Variants in PLEKHG5 observed in about 807,000 individuals in gnomAD.
PLEKHG5 encodes pleckstrin homology and RhoGEF domain containing G5.
In PLEKHG5, 52 loss-of-function variants were observed where a neutral mutation model predicts 103.8. The ratio of observed to expected loss-of-function variants is 0.50; its 90% confidence interval spans 0.40 to 0.63. PLEKHG5 has a LOEUF of 0.63. Among genes scored for constraint, PLEKHG5 ranks in the 30% least tolerant of loss-of-function variants. The pLI is 0.00. For missense variants in PLEKHG5, 1,205 were observed against 1,347.6 expected (o/e 0.89, Z 1.66); for synonymous variants, 592 against 575.5 (o/e 1.03, Z -0.41).
upstream of PLEKHG5, chr1:6,496,563 T>TG (rs1229702623): frequency 6.4e-7 from 1 of 1,574,800 alleles, no homozygotes; most frequent in Non-Finnish European, 8.6e-7. Flanking sequence ...AGCGGGGCTC[T>TG]GGTCGTCTGC....
intron 10 of PLEKHG5, 139 bp downstream of exon 10, chr1:6,472,388 G>A (rs1644617477): frequency 2.8e-6 from 2 of 712,820 alleles, no homozygotes; most frequent in Middle Eastern, 3.6e-4. Flanking sequence ...CTCCTCCCTG[G>A]GCGCAGCCCT....
chr1:6,486,620 G>A lies in PLEKHG5; in HGVS notation c.-88+5017C>T, dbSNP rs546963384. Among the ~76,000 whole-genome samples, 25 of 152,298 alleles carry A rather than the reference G, an allele frequency of 1.6e-4. No homozygotes were observed. The highest frequency in any genetic ancestry group is 5.5e-4 in the African/African-American group (23 of 41,554). On this transcript the variant is annotated intron_variant, in intron 1 of 20. Transcript: ENST00000377728. The surrounding 1 kb of genome is among the most constrained non-coding windows in gnomAD (Gnocchi z 5.3). ...TGGCACAGCAGCCCAGGTCCCTGCA[G>A]TTCTAGGCCAGGTCCCCACCGCCAG... is the stretch of plus-strand genomic sequence containing the variant.
intron 10 of PLEKHG5, among the ~76,000 whole-genome samples, chr1:6,472,186 C>A (rs533143472): frequency 6.6e-6 from 1 of 152,230 alleles, no homozygotes; most frequent in Non-Finnish European, 1.5e-5. Context: ...GCTCCCCTCC[C>A]TGAGCCGAAA....
At chr1:6,475,569 C>T (rs751044794) in intron 3 of PLEKHG5, 47 bp from the exon 4 acceptor site, 11 of 1,553,308 alleles carry the variant, frequency 7.1e-6, no homozygotes, top group African/African-American at 1.4e-5. Context: ...GGGTGGCCCT[C>T]GCCAGCGTGG....
rs868002197 is a variant in PLEKHG5 at position 6,470,758 on chromosome 1, C to A, written c.1519G>T (p.Ala507Ser). 2 of 1,562,326 alleles carry A rather than the reference C, an allele frequency of 1.3e-6. No homozygotes were observed. Among genetic ancestry groups the A allele is most frequent in the South Asian group, 1.2e-5 (1 of 85,426 alleles). ...SVLRKTEEPR[A>S]KEAVVAMIGS... ...ACCATGGCGACGACGGCCTCCTTGG[C>A]GCGCGGCTCCTCGGTCTTCCTCAGC... Residue 507 changes from alanine (A) to serine (S), a missense_variant, in exon 14 of 21, where the codon GCC becomes TCC. Ala to Ser is a moderately conservative substitution (Grantham distance 99). Coordinates refer to ENST00000377728, the MANE Select transcript of PLEKHG5 (RefSeq NM_020631.6).
chr1:6,477,173 C>T (rs1020393070), intron 2 of PLEKHG5, among the ~76,000 whole-genome samples: 38 of 152,322 alleles, frequency 2.5e-4, no homozygotes, highest in Admixed American at 2.0e-3. Flanking sequence ...CTCTGCTAGG[C>T]CCACAGCCTG....
intron 12 of PLEKHG5, 147 bp downstream of exon 12, chr1:6,471,341 T>C: frequency 1.0e-6 from 1 of 977,438 alleles, no homozygotes; most frequent in Non-Finnish European, 1.5e-6. Flanking sequence ...CGCCTCGTAA[T>C]TCCTCACCCT....
At chr1:6,497,378 G>C, upstream of PLEKHG5, 1 of 1,089,856 alleles carries the variant, frequency 9.2e-7, no homozygotes, top group Non-Finnish European at 1.1e-6. This position sits in a 1 kb window ranked among gnomAD's most constrained non-coding sequence, Gnocchi z 6.1. Context: ...CGCCGGGGAC[G>C]CCGGGGACTG....
chr1:6,501,926 TTC>T lies in PLEKHG5; in HGVS notation c.-164-5359_-164-5358del, dbSNP rs1645300838. On this transcript the variant is annotated intron_variant, in intron 1 of 21. Coordinates refer to the PLEKHG5 transcript ENST00000377740. The surrounding 1 kb of genome is among the most constrained non-coding windows in gnomAD (Gnocchi z 4.3). ...GTGAACCCTCCACTCCGATGAACCC[TTC>T]TGTCTCAAGAAAACAGGCCCTCCCT... Among the ~76,000 whole-genome samples, 6 of 152,202 alleles carry T rather than the reference TTC, an allele frequency of 3.9e-5. No individual in the cohort carries two copies. In the South Asian group the frequency reaches 1.2e-3, roughly 31 times the overall value.
chr1:6,505,092 G>T lies in PLEKHG5; in HGVS notation c.-164-8523C>A, dbSNP rs547883853. Among the ~76,000 whole-genome samples the T allele has an allele frequency of 6.6e-6, 1 of 152,190 alleles. No homozygotes were observed. The highest frequency in any genetic ancestry group is 1.9e-4 in the East Asian group (1 of 5,188). ...CCTGGGCCCGAGGATGAGGCTAATG[G>T]AGAAGAGAACCCAGGCCCAGGCCCC... On this transcript the variant is annotated intron_variant, in intron 1 of 21. Coordinates refer to the PLEKHG5 transcript ENST00000377740. The surrounding 1 kb of genome is among the most constrained non-coding windows in gnomAD (Gnocchi z 4.2).
At chr1:6,510,025 G>T (rs1310645914) in intron 1 of PLEKHG5, among the ~76,000 whole-genome samples, 1 of 152,204 alleles carries the variant, frequency 6.6e-6, no homozygotes, top group African/African-American at 2.4e-5. Flanking sequence ...CGGTGTCTGA[G>T]GAGGCCTGTC....
At chr1:6,516,806 A>ATATG (rs1553180711) in intron 1 of PLEKHG5, among the ~76,000 whole-genome samples, 1 of 145,396 alleles carries the variant, frequency 6.9e-6, no homozygotes, top group Non-Finnish European at 1.5e-5. Context: ...GTGTATATAT[A>ATATG]TGTGTGTATA....
intron 16 of PLEKHG5, 43 bp from the exon 17 acceptor site, chr1:6,469,719 T>C (rs756325780): frequency 6.2e-7 from 1 of 1,604,022 alleles, no homozygotes; most frequent in Non-Finnish European, 8.5e-7. Context: ...GCCAGCAGGG[T>C]CAGGGCCAGG....
intron 1 of PLEKHG5, among the ~76,000 whole-genome samples, chr1:6,507,893 G>A (rs915080837): frequency 6.6e-6 from 1 of 152,206 alleles, no homozygotes; most frequent in Non-Finnish European, 1.5e-5. Flanking sequence ...CATGTGGCAA[G>A]TGGCCTGCCT....
rs771230935 is a variant in PLEKHG5 at position 6,468,398 on chromosome 1, C to T, written c.2438G>A (p.Cys813Tyr). The stretch of plus-strand genomic sequence containing the variant: ...GGTGCCGTAGGCAGAGTCCATGGAG[C>T]AGGAGCGGCCGTCCACCGGACCCAG... ...LPLGPVDGRS[C>Y]SMDSAYGTLS... Residue 813 changes from cysteine to tyrosine, a missense_variant, in exon 20 of 21, where the codon TGC (cysteine) becomes TAC (tyrosine). Cys to Tyr is a radical substitution (Grantham distance 194). Coordinates refer to ENST00000377728, the MANE Select transcript of PLEKHG5 (RefSeq NM_020631.6). 34 of 1,610,834 alleles carry T rather than the reference C, an allele frequency of 2.1e-5. No individual in the cohort carries two copies. Among genetic ancestry groups the T allele is most frequent in the Non-Finnish European group, 2.8e-5 (33 of 1,178,986 alleles).
chr1:6,511,503 C>T (rs758286293), intron 1 of PLEKHG5, among the ~76,000 whole-genome samples: 4 of 152,256 alleles, frequency 2.6e-5, no homozygotes, highest in Non-Finnish European at 5.9e-5. Context: ...CTGAAGGGGG[C>T]TGGCGGTCAC....
chr1:6,475,627 A>G lies in PLEKHG5; in HGVS notation c.150-105T>C, dbSNP rs894670716. 72 of 989,230 alleles carry G rather than the reference A, an allele frequency of 7.3e-5. No homozygotes were observed. In the Middle Eastern group the frequency reaches 1.5e-3, roughly 20 times the overall value. The allele number at this position is 989,230 out of a possible 1,614,324, so 61.3% of individuals were successfully genotyped here. On this transcript the variant is annotated intron_variant, in intron 3 of 20. Transcript: ENST00000377728. The stretch of plus-strand genomic sequence containing the variant: ...CCCCGCCCTTGGCTCACCCCAGGTG[A>G]CAGGTAACCCGCGTGGATTCAACCC...
rs759538158 is a variant in PLEKHG5, at chr1:6,469,609, C to T, written c.1868G>A (p.Arg623Lys). 6.2e-7 allele frequency: 1 copy of T among 1,613,670 alleles called. No homozygotes were observed. Among genetic ancestry groups the T allele is most frequent in the Non-Finnish European group, 8.5e-7 (1 of 1,180,004 alleles). ...LVTKAVKKAE[R>K]TRVIRPPLLV... ...CAGGGGTGGCCTGATGACCCTGGTC[C>T]TCTCTGCCTTCTTCACTGCTTTGGT... The change falls in exon 17 of 21, where the codon AGG (arginine) becomes AAG (lysine). Residue 623 changes from arginine to lysine, a missense_variant. Transcript: ENST00000377728.
At chr1:6,479,474 G>A (rs1644848227) in intron 1 of PLEKHG5, among the ~76,000 whole-genome samples, 1 of 151,966 alleles carries the variant, frequency 6.6e-6, no homozygotes, top group African/African-American at 2.4e-5. Flanking sequence ...TTTTGGTAGA[G>A]ATGGGGTTTC....
Sources: allele counts gnomAD v4.1 joint callset (sites outside exome capture counted in the v4.1 genomes callset), GRCh38; gene constraint gnomAD v4.1.1; non-coding constraint Gnocchi (gnomAD v3.1); transcripts MANE v1.5; gene names NCBI Gene and HGNC (gene_info 2026-07-23, HGNC 2026-07-21).